PALS2: variants seen among roughly 807,000 people sequenced by gnomAD.
The protein encoded by PALS2 is protein associated with LIN7 2, MAGUK p55 family member.
A neutral mutation model predicts 61.6 loss-of-function variants in PALS2; 27 were observed. The observed-to-expected ratio is 0.44, with a 90% CI of 0.32 to 0.60. PALS2 has a LOEUF of 0.60. PALS2 is among the 20% of genes least tolerant of loss of function. The pLI, the probability that PALS2 is intolerant of heterozygous loss-of-function variation, is 0.05. For missense variants in PALS2, 554 were observed against 639.4 expected (o/e 0.87, Z 1.44); for synonymous variants, 236 against 218.6 (o/e 1.08, Z -0.70).
intron 3 of PALS2, among the ~76,000 whole-genome samples, chr7:24,647,299 C>G (rs1785890851): frequency 6.6e-6 from 1 of 151,978 alleles, no homozygotes; most frequent in Non-Finnish European, 1.5e-5. Flanking sequence ...CAGTCACGTG[C>G]CGTGACACCC....
chr7:24,649,685 ATTC>A lies in PALS2; in HGVS notation c.349_351del (p.Ser117del). The A allele has an allele frequency of 6.2e-7, 1 of 1,612,118 alleles. No homozygotes were observed. The highest frequency in any genetic ancestry group is 8.5e-7 in the Non-Finnish European group (1 of 1,179,106). On this transcript the variant is annotated inframe_deletion, in exon 4 of 12. Transcript: ENST00000222644. The stretch of plus-strand genomic sequence containing the variant: ...CCTCCATCAAGCCCAGAAATGAATA[ATTC>A]TTCTATCAATAATCAGTTATTACCA...
chr7:24,586,649 A>G (rs562198746), intron 1 of PALS2, among the ~76,000 whole-genome samples: 6 of 152,332 alleles, frequency 3.9e-5, no homozygotes, highest in African/African-American at 1.4e-4. Flanking sequence ...ATTTAAACAT[A>G]CCCAGATGAT....
At chr7:24,683,020 A>G (rs949412337) in intron 11 of PALS2, among the ~76,000 whole-genome samples, 1 of 152,178 alleles carries the variant, frequency 6.6e-6, no homozygotes, top group African/African-American at 2.4e-5. Context: ...CATGAGGCAT[A>G]TGTCAGGCTT....
intron 1 of PALS2, among the ~76,000 whole-genome samples, chr7:24,599,206 T>C (rs1417541051): frequency 6.6e-6 from 1 of 152,184 alleles, no homozygotes; most frequent in East Asian, 1.9e-4. Flanking sequence ...GTTCCTAGGC[T>C]ACAAACCTGT....
At chr7:24,638,649 T>C (rs1473509302) in intron 2 of PALS2, among the ~76,000 whole-genome samples, 4 of 152,192 alleles carry the variant, frequency 2.6e-5, no homozygotes, top group Non-Finnish European at 5.9e-5. Context: ...TATTTTCTAG[T>C]GAGATTCTCT....
chr7:24,633,450 T>G (rs1343429019), intron 2 of PALS2, among the ~76,000 whole-genome samples: 1 of 132,286 alleles, frequency 7.6e-6, no homozygotes, highest in Non-Finnish European at 1.5e-5. Context: ...TGCTTGCTCC[T>G]CTGCAGGTAA....
At chr7:24,662,785 AAAAAAAAAAAAG>A (rs1474567747) in intron 5 of PALS2, among the ~76,000 whole-genome samples, 2 of 146,704 alleles carry the variant, frequency 1.4e-5, no homozygotes, top group South Asian at 2.1e-4. Context: ...AAAAAAAAAA[AAAAAAAAAAAAG>A]AAAGAAAGAA....
chr7:24,653,035 A>G lies in PALS2; in HGVS notation c.651+2323A>G, dbSNP rs188940111. Among the ~76,000 whole-genome samples, 330 of 152,332 alleles carry G rather than the reference A, an allele frequency of 2.2e-3. 2 individuals carry two copies. Among genetic ancestry groups the G allele is most frequent in the African/African-American group, 7.7e-3 (322 of 41,572 alleles). ...TAATTCCATTTGTTTATTAAGGCCA[A>G]CTGATAGGAATTCTCTCTTATTCTT... On this transcript the variant is annotated intron_variant, in intron 5 of 11. Transcript: ENST00000222644.
At chr7:24,602,333 A>AT (rs1783749362) in intron 1 of PALS2, among the ~76,000 whole-genome samples, 1 of 151,668 alleles carries the variant, frequency 6.6e-6, no homozygotes, top group Admixed American at 6.6e-5. Context: ...AATCTCTTTC[A>AT]TTTACTAGGC....
At chr7:24,607,424 A>G (rs890608051) in intron 1 of PALS2, among the ~76,000 whole-genome samples, 3 of 151,648 alleles carry the variant, frequency 2.0e-5, no homozygotes, top group Non-Finnish European at 2.9e-5. Context: ...TAGGAATTCT[A>G]CTTTTAGCTC....
intron 1 of PALS2, among the ~76,000 whole-genome samples, chr7:24,620,864 T>C (rs1313968551): frequency 2.6e-5 from 4 of 152,138 alleles, no homozygotes; most frequent in African/African-American, 9.6e-5. Flanking sequence ...GAAACAAGAT[T>C]GGCCATGAGT....
chr7:24,665,362 C>T (rs1187607331), intron 6 of PALS2, among the ~76,000 whole-genome samples: 2 of 152,064 alleles, frequency 1.3e-5, no homozygotes, highest in Non-Finnish European at 2.9e-5. Context: ...ATTTTGGTCC[C>T]CACATTTCAC....
chr7:24,604,789 C>T (rs1297821043), intron 1 of PALS2, among the ~76,000 whole-genome samples: 2 of 152,188 alleles, frequency 1.3e-5, no homozygotes, highest in Non-Finnish European at 2.9e-5. Context: ...CCCAAAGACT[C>T]CACCTCCAAA....
chr7:24,582,926 C>G (rs1290700582), intron 1 of PALS2, among the ~76,000 whole-genome samples: 12 of 108,778 alleles, frequency 1.1e-4, no homozygotes, highest in Non-Finnish European at 1.5e-4. Context: ...GAGTCTTGCT[C>G]TGTCACCCAG....
In PALS2 at chr7:24,668,653, G is replaced by A. The variant is rs375634417; in HGVS notation, c.1107G>A (p.Thr369=). 6.1e-5 allele frequency: 99 copies of A among 1,613,718 alleles called. No individual in the cohort carries two copies. In the South Asian group the frequency reaches 7.6e-4, roughly 12 times the overall value. The part of the protein sequence containing the change: ...IVLNPTRFGT[T]VPFTSRKPRE... Reference sequence around the variant, plus strand: ...TGAATCCCACTAGATTTGGAACTACGGTGCCATGTAAGTTTTCTGTGTTTT... The same window carrying A: ...TGAATCCCACTAGATTTGGAACTACAGTGCCATGTAAGTTTTCTGTGTTTT... Residue 369 remains threonine (T), a synonymous_variant, in exon 9 of 12, where the codon ACG becomes ACA. Coordinates refer to ENST00000222644, the MANE Select transcript of PALS2 (RefSeq NM_001303037.2).
At chr7:24,670,901 A>C (rs970166896) in intron 9 of PALS2, among the ~76,000 whole-genome samples, 4 of 152,228 alleles carry the variant, frequency 2.6e-5, no homozygotes, top group Non-Finnish European at 5.9e-5. Context: ...TTATATGGCT[A>C]TACCACATTT....
chr7:24,659,620 A>G (rs1258375881), intron 5 of PALS2, among the ~76,000 whole-genome samples: 1 of 152,208 alleles, frequency 6.6e-6, no homozygotes, highest in Non-Finnish European at 1.5e-5. Flanking sequence ...AGTTTAGCTC[A>G]TAACCCTTCT....
rs371793096 is a variant in PALS2 at position 24,649,598 on chromosome 7, T to C, written c.271-14T>C. ...ATATCATAAATAACCACAGGCTATTTTGACTCCTTATAGTCACTGTTGGAG... is the reference window on the plus strand; with the variant it reads ...ATATCATAAATAACCACAGGCTATTCTGACTCCTTATAGTCACTGTTGGAG... On this transcript the variant is annotated splice_polypyrimidine_tract_variant and intron_variant, in intron 3 of 11. Transcript: ENST00000222644. The C allele has an allele frequency of 1.2e-4, 186 of 1,543,300 alleles. No homozygotes were observed. Among genetic ancestry groups the C allele is most frequent in the Non-Finnish European group, 1.5e-4 (178 of 1,148,388 alleles).
intron 2 of PALS2, among the ~76,000 whole-genome samples, chr7:24,635,143 C>T (rs191508121): frequency 4.9e-4 from 75 of 152,206 alleles, no homozygotes; most frequent in African/African-American, 1.7e-3. Flanking sequence ...GCATTGAATC[C>T]GTAGTTCGTT....
Sources: gnomAD v4.1 joint callset for allele counts (sites outside exome capture counted in the v4.1 genomes callset) on GRCh38, gnomAD v4.1.1 for gene constraint, MANE v1.5 for transcripts, NCBI Gene and HGNC (gene_info 2026-07-23, HGNC 2026-07-21) for gene names.